CNKSR1: variants seen among roughly 807,000 people sequenced by gnomAD.
CNKSR1 encodes CNK homolog protein 1.
Under a neutral mutation model 95.6 loss-of-function variants are expected in CNKSR1, and 88 were observed. That is an observed-to-expected ratio of 0.92 (90% confidence interval 0.78 to 1.10). CNKSR1 has a LOEUF of 1.10. CNKSR1 is among the 50% of genes least tolerant of loss of function. The pLI is 0.00. For missense variants in CNKSR1, 836 were observed against 912.0 expected (o/e 0.92, Z 1.07); for synonymous variants, 355 against 369.7 (o/e 0.96, Z 0.46).
In CNKSR1 at chr1:26,187,243, T is replaced by G; in HGVS notation, c.1382+2T>G. 1 of 1,612,834 alleles carries G rather than the reference T, an allele frequency of 6.2e-7. No homozygotes were observed. Among genetic ancestry groups the G allele is most frequent in the Non-Finnish European group, 8.5e-7 (1 of 1,178,902 alleles). On this transcript the variant is annotated splice_donor_variant, in intron 15 of 20. Coordinates refer to ENST00000361530, the MANE Select transcript of CNKSR1 (RefSeq NM_006314.3). LOFTEE classifies it high-confidence loss of function. ...TGGACATGATCAGAAGAAGAAATAG[T>G]TAAGTCTTGGGGTGTGATGGGCTGG...
chr1:26,180,740 T>C lies in CNKSR1; in HGVS notation c.236T>C (p.Leu79Pro). ...AGCTCCAGGCTACAGACAGAGAACC[T>C]GCAAAGCCTGACAGAGGGACTTCTG... ...ALSSRLQTEN[L>P]QSLTEGLLGA... is the part of the protein sequence containing the mutation. Residue 79 changes from leucine (L) to proline (P), a missense_variant, in exon 3 of 21, where the codon CTG becomes CCG. Leu to Pro is a moderately conservative substitution (Grantham distance 98). Transcript: ENST00000361530. The C allele has an allele frequency of 6.2e-7, 1 of 1,614,200 alleles. No individual in the cohort carries two copies. The highest frequency in any genetic ancestry group is 8.5e-7 in the Non-Finnish European group (1 of 1,180,010).
chr1:26,177,529 G>C lies in CNKSR1; in HGVS notation c.-19G>C, dbSNP rs754519170. ...AGCAGGGCAAAACAGGAGCTGATTC[G>C]AGCTGGCAGAGCTGGGCCATGGAAC... On this transcript the variant is annotated 5_prime_UTR_variant, in exon 1 of 21. Transcript: ENST00000361530. The C allele has an allele frequency of 4.3e-6, 7 of 1,613,958 alleles. No homozygotes were observed. Among genetic ancestry groups the C allele is most frequent in the South Asian group, 1.1e-5 (1 of 91,008 alleles).
chr1:26,179,516 G>T (rs1380267433), intron 1 of CNKSR1, among the ~76,000 whole-genome samples: 10 of 152,138 alleles, frequency 6.6e-5, no homozygotes, highest in African/African-American at 2.2e-4. Flanking sequence ...ATATGATGCT[G>T]GAAAGGGAGG....
At chr1:26,177,631 AG>A (rs2088582628) in intron 1 of CNKSR1, 32 bp downstream of exon 1, 1 of 1,613,034 alleles carries the variant, frequency 6.2e-7, no homozygotes, top group Non-Finnish European at 8.5e-7. Context: ...TTGGGCTTGA[AG>A]GGGACTAGGT....
Position 26,188,432 on chromosome 1 carries a change from C to A in CNKSR1, c.1529-10C>A. 1 of 1,605,498 alleles carries A rather than the reference C, an allele frequency of 6.2e-7. No homozygotes were observed. ...GCCTCCCAAAAACCCACTGCTGCTCCTCACCCCAGACTGCTACAGTGAGAC... is the reference window on the plus strand; with the variant it reads ...GCCTCCCAAAAACCCACTGCTGCTCATCACCCCAGACTGCTACAGTGAGAC... On this transcript the variant is annotated splice_polypyrimidine_tract_variant and intron_variant, in intron 17 of 20. Transcript: ENST00000361530.
chr1:26,184,952 G>A, intron 13 of CNKSR1, 62 bp from the exon 14 acceptor site: 1 of 1,493,230 alleles, frequency 6.7e-7, no homozygotes, highest in East Asian at 2.4e-5. Context: ...AAGGCAGGGA[G>A]TAGGTTTAGC....
In CNKSR1 at chr1:26,180,897, G is replaced by C. The variant is rs767934871; in HGVS notation, c.392+1G>C. 3.7e-6 allele frequency: 6 copies of C among 1,614,086 alleles called. No homozygotes were observed. Among genetic ancestry groups the C allele is most frequent in the Non-Finnish European group, 5.1e-6 (6 of 1,180,042 alleles). ...ACGCCCTCCTCTTCTGGCTCAGCAG[G>C]TACCCGGGTTGGGGTGACGAGTGAG... is the stretch of plus-strand genomic sequence containing the variant. On this transcript the variant is annotated splice_donor_variant, in intron 3 of 20. Coordinates refer to ENST00000361530, the MANE Select transcript of CNKSR1 (RefSeq NM_006314.3). LOFTEE classifies it high-confidence loss of function.
At position 26,189,407 on chromosome 1, in the gene CNKSR1, G is replaced by T. The variant is rs773883698; in HGVS notation, c.2001G>T (p.Val667=). ...CAGAGGGCCTGGGGGCCTGGGGAGT[G>T]GCACAGGCTGAAGGCAGCTCCCACA... The part of the protein sequence containing the change: ...LYSEGLGAWG[V]AQAEGSSHIL... The change falls in exon 21 of 21, where the codon GTG becomes GTT. Residue 667 remains valine, a synonymous_variant. Transcript: ENST00000361530. 3.1e-6 allele frequency: 5 copies of T among 1,613,924 alleles called. No individual in the cohort carries two copies. In the South Asian group the frequency reaches 3.3e-5, roughly 11 times the overall value.
At position 26,188,847 on chromosome 1, in the gene CNKSR1, A is replaced by T. The variant is rs2088809895; in HGVS notation, c.1766A>T (p.Gln589Leu). ...QGGVSLLGQP[Q>L]PLTQEQWRSS... ...GGCGTGTCCCTCCTAGGCCAGCCAC[A>T]GCCCCTGACCCAGGAACAGTGGCGG... Residue 589 changes from glutamine to leucine, a missense_variant, in exon 20 of 21, where the codon CAG becomes CTG. Transcript: ENST00000361530. 1 of 1,613,592 alleles carries T rather than the reference A, an allele frequency of 6.2e-7. No individual in the cohort carries two copies.
chr1:26,182,029 C>T (rs548126081), intron 4 of CNKSR1, 88 bp downstream of exon 4: 19 of 1,244,724 alleles, frequency 1.5e-5, no homozygotes, highest in Non-Finnish European at 2.1e-5. Context: ...AGCCCAGGAT[C>T]GAGTATGAGG....
intron 16 of CNKSR1, 96 bp downstream of exon 16, chr1:26,187,578 G>T: frequency 1.7e-6 from 2 of 1,203,838 alleles, no homozygotes; most frequent in Non-Finnish European, 2.5e-6. Flanking sequence ...ACAAATTCCA[G>T]CTCTCTGAGA....
chr1:26,188,085 T>C (rs2088787776), intron 16 of CNKSR1, 149 bp from the exon 17 acceptor site: 1 of 746,430 alleles, frequency 1.3e-6, no homozygotes, highest in Non-Finnish European at 2.4e-6. Flanking sequence ...TAAGCCTCAG[T>C]TTCATCATCT....
chr1:26,188,964 G>T lies in CNKSR1; in HGVS notation c.1872+11G>T. On this transcript the variant is annotated intron_variant, in intron 20 of 20. Coordinates refer to ENST00000361530, the MANE Select transcript of CNKSR1 (RefSeq NM_006314.3). Reference sequence around the variant, plus strand: ...CAGAGCACACTCAAGGTCAGCTGGGGGGCTCTGGGCACAGCAAGGGACTAG... The same window carrying T: ...CAGAGCACACTCAAGGTCAGCTGGGTGGCTCTGGGCACAGCAAGGGACTAG... The T allele has an allele frequency of 6.2e-7, 1 of 1,612,578 alleles. No individual in the cohort carries two copies. Among genetic ancestry groups the T allele is most frequent in the South Asian group, 1.1e-5 (1 of 91,044 alleles).
intron 14 of CNKSR1, among the ~76,000 whole-genome samples, chr1:26,186,535 C>T (rs558234161): frequency 2.0e-5 from 3 of 152,272 alleles, no homozygotes; most frequent in South Asian, 4.1e-4. Flanking sequence ...AGTGCAGTGG[C>T]GCAATCGCAG....
intron 4 of CNKSR1, 87 bp from the exon 5 acceptor site, chr1:26,182,274 A>G (rs1212570745): frequency 7.4e-7 from 1 of 1,348,298 alleles, no homozygotes; most frequent in African/African-American, 1.4e-5. Context: ...GAGGGACTGT[A>G]CGGAATCCCA....
rs1021207852 is a variant in CNKSR1 at position 26,178,644 on chromosome 1, C to G, written c.52+1045C>G. Among the ~76,000 whole-genome samples the G allele has an allele frequency of 4.6e-5, 7 of 152,222 alleles. 1 individual carries two copies. Among genetic ancestry groups the G allele is most frequent in the African/African-American group, 1.7e-4 (7 of 41,532 alleles). On this transcript the variant is annotated intron_variant, in intron 1 of 20. Transcript: ENST00000361530. The stretch of plus-strand genomic sequence containing the variant: ...GGAATTCAGGGCTGGGTTCAGACTC[C>G]CAGGCTGGATTCCAGGCCCACCCCC...
At chr1:26,187,266 T>G in intron 15 of CNKSR1, 25 bp downstream of exon 15, 1 of 1,605,668 alleles carries the variant, frequency 6.2e-7, no homozygotes, top group Middle Eastern at 1.7e-4. Flanking sequence ...TGTGATGGGC[T>G]GGGGGATGGA....
chr1:26,180,130 A>C, intron 1 of CNKSR1: 1 of 399,818 alleles, frequency 2.5e-6, no homozygotes. Flanking sequence ...AAACAAAACA[A>C]AAACAAAAAA....
chr1:26,183,502 G>T, intron 8 of CNKSR1, 88 bp downstream of exon 8: 1 of 1,433,796 alleles, frequency 7.0e-7, no homozygotes, highest in South Asian at 1.2e-5. Context: ...CAAGGGTTCT[G>T]ACCAGGGTTG....
Sources: gnomAD v4.1 joint callset for allele counts (sites outside exome capture counted in the v4.1 genomes callset) on GRCh38, gnomAD v4.1.1 for gene constraint, MANE v1.5 for transcripts, NCBI Gene and HGNC (gene_info 2026-07-23, HGNC 2026-07-21) for gene names.